The following CLASP2 variants were observed in gnomAD, a reference collection of about 807,000 sequenced individuals.
CLASP2 encodes cytoplasmic linker associated protein 2.
A neutral mutation model predicts 194.4 loss-of-function variants in CLASP2; 47 were observed. The ratio of observed to expected loss-of-function variants is 0.24; its 90% confidence interval spans 0.19 to 0.31. The LOEUF is 0.31. Ranked by LOEUF, CLASP2 falls within the 10% of genes least tolerant of loss-of-function variation. The probability of loss-of-function intolerance (pLI) is 1.00; values close to 1 mark genes in which losing one functional copy is unlikely to be tolerated. For missense variants in CLASP2, 1,445 were observed against 1,823.6 expected (o/e 0.79, Z 3.78); for synonymous variants, 619 against 633.5 (o/e 0.98, Z 0.34).
At chr3:33,565,518 T>C (rs142567261) in intron 27 of CLASP2, among the ~76,000 whole-genome samples, 248 of 152,070 alleles carry the variant, frequency 1.6e-3, no homozygotes, top group African/African-American at 5.9e-3. Context: ...TTTATTATAA[T>C]AATACAGTAT....
At position 33,584,935 on chromosome 3, in the gene CLASP2, C is replaced by T. The variant is rs777674576; in HGVS notation, c.2069-15G>A. On this transcript the variant is annotated splice_polypyrimidine_tract_variant and intron_variant, in intron 21 of 38. Coordinates refer to ENST00000682230, the MANE Select transcript of CLASP2 (RefSeq NM_001365631.1). ...CCGGCTACCAGCTGAACACCAAACA[C>T]ATATACAAATGTTAACATGTAAATG... 1.3e-6 allele frequency: 2 copies of T among 1,590,182 alleles called. No individual in the cohort carries two copies. Among genetic ancestry groups the T allele is most frequent in the Non-Finnish European group, 1.7e-6 (2 of 1,169,570 alleles).
intron 12 of CLASP2, among the ~76,000 whole-genome samples, chr3:33,616,894 C>T (rs1001637989): frequency 1.3e-5 from 2 of 151,520 alleles, no homozygotes; most frequent in Non-Finnish European, 2.9e-5. Flanking sequence ...TGCACCATCA[C>T]GCCCAGCTAA....
chr3:33,581,824 G>A lies in CLASP2; in HGVS notation c.2344C>T (p.Leu782Phe), dbSNP rs1210625315. 3.1e-6 allele frequency: 5 copies of A among 1,611,508 alleles called. No individual in the cohort carries two copies. The highest frequency in any genetic ancestry group is 1.7e-5 in the Admixed American group (1 of 59,892). ...TAACACCTGCCCGAATACGTACCGA[G>A]GGGCTGAAAAGAGCGAACAGGACTT... ...DTSPVRSFQP[L>F]GPGYGISQSS... Residue 782 changes from leucine (L) to phenylalanine (F), a missense_variant, in exon 23 of 39, where the codon CTC becomes TTC. By Grantham distance (22) the Leu-to-Phe change is conservative. Around this residue, in one of 4 missense-constraint regions of CLASP2, gnomAD observed 732 missense variants for 987.9 expected, o/e 0.74. Coordinates refer to ENST00000682230, the MANE Select transcript of CLASP2 (RefSeq NM_001365631.1).
intron 8 of CLASP2, among the ~76,000 whole-genome samples, chr3:33,643,915 A>C (rs1297997550): frequency 6.6e-6 from 1 of 152,098 alleles, no homozygotes; most frequent in African/African-American, 2.4e-5. Flanking sequence ...CAGTTACTGT[A>C]AACAAGGAAA....
intron 25 of CLASP2, among the ~76,000 whole-genome samples, chr3:33,572,842 TTTTAAA>T (rs1160194918): frequency 6.6e-6 from 1 of 151,840 alleles, no homozygotes; most frequent in Non-Finnish European, 1.5e-5. Context: ...ATTAATAACA[TTTTAAA>T]TTTAATTTCT....
In CLASP2 at chr3:33,604,162, G is replaced by A. The variant is rs867062218; in HGVS notation, c.1742C>T (p.Ala581Val). ...KWSTANPSTV[A>V]GRVSAGSSKA... ...TTTAAAGAGAAAATTACCTCTTCCA[G>A]CCACAGTTGATGGATTTGCTGTAGA... Residue 581 changes from alanine (A) to valine (V), a missense_variant, in exon 17 of 39, where the codon GCT becomes GTT. By Grantham distance (64) the Ala-to-Val change is moderately conservative (BLOSUM62 0). This residue lies in a region of CLASP2 where 174 missense variants were observed against 179.0 expected (regional missense o/e 0.97). Coordinates refer to ENST00000682230, the MANE Select transcript of CLASP2 (RefSeq NM_001365631.1). 2 of 1,557,930 alleles carry A rather than the reference G, an allele frequency of 1.3e-6. No homozygotes were observed. The highest frequency in any genetic ancestry group is 1.7e-6 in the Non-Finnish European group (2 of 1,149,480).
At chr3:33,623,870 C>T (rs1226019929) in intron 10 of CLASP2, among the ~76,000 whole-genome samples, 2 of 152,028 alleles carry the variant, frequency 1.3e-5, no homozygotes, top group Admixed American at 1.3e-4. Flanking sequence ...ACTGTTCTCC[C>T]TGCATGTGGT....
chr3:33,692,150 C>T (rs567717342), intron 2 of CLASP2, among the ~76,000 whole-genome samples: 8 of 152,184 alleles, frequency 5.3e-5, no homozygotes, highest in Non-Finnish European at 1.2e-4. Flanking sequence ...ATCTAGGCAA[C>T]AGAGTAAGAC....
chr3:33,617,189 T>C (rs1311549883), intron 12 of CLASP2, among the ~76,000 whole-genome samples: 5 of 151,524 alleles, frequency 3.3e-5, no homozygotes, highest in Non-Finnish European at 2.9e-5. Flanking sequence ...AATATGAAAA[T>C]AGTGAAAAAG....
intron 34 of CLASP2, among the ~76,000 whole-genome samples, chr3:33,533,304 T>C (rs1271869210): frequency 6.6e-6 from 1 of 152,206 alleles, no homozygotes; most frequent in Non-Finnish European, 1.5e-5. Flanking sequence ...TCAAAGTCTA[T>C]AATTGTGGCA....
intron 6 of CLASP2, among the ~76,000 whole-genome samples, chr3:33,669,724 A>G (rs2086810692): frequency 3.9e-5 from 6 of 152,252 alleles, no homozygotes; most frequent in Admixed American, 3.9e-4. Context: ...GAAACACTAC[A>G]CCCACTAAAA....
intron 10 of CLASP2, among the ~76,000 whole-genome samples, chr3:33,622,525 A>G (rs1021205304): frequency 5.3e-5 from 8 of 152,216 alleles, no homozygotes; most frequent in African/African-American, 1.4e-4. Context: ...AATGTAAACT[A>G]TAAGTATATA....
intron 23 of CLASP2, among the ~76,000 whole-genome samples, chr3:33,581,287 G>A (rs1012834989): frequency 1.3e-5 from 2 of 152,074 alleles, no homozygotes; most frequent in South Asian, 2.1e-4. Flanking sequence ...AAGTTTTACC[G>A]CAGTGACAAG....
intron 6 of CLASP2, among the ~76,000 whole-genome samples, chr3:33,684,063 G>C (rs910537746): frequency 2.0e-5 from 3 of 151,458 alleles, no homozygotes; most frequent in Admixed American, 2.0e-4. Context: ...GACCAACATG[G>C]AAAAACCCCG....
In CLASP2 at chr3:33,708,498, ATATATATG is replaced by A. The variant is rs796532400; in HGVS notation, c.195+9302_195+9309del. 4.1e-3 allele frequency among the ~76,000 whole-genome samples: 330 copies of A among 81,438 alleles called. 10 individuals carry two copies. The East Asian group carries it at 0.095, about 23-fold the overall frequency. 53.4% of individuals were successfully genotyped at this position (81,438 alleles called of 152,430 possible). A position where few individuals can be genotyped will look rare whatever the true frequency, so the allele number is the denominator to read the frequency against. On this transcript the variant is annotated intron_variant, in intron 1 of 38. Coordinates refer to ENST00000682230, the MANE Select transcript of CLASP2 (RefSeq NM_001365631.1). ...TGTGTGTGTGTGTGTATGTATATAT[ATATATATG>A]TATATATATGTATATATGTATATAT...
chr3:33,686,034 A>G (rs1008689626), intron 5 of CLASP2, among the ~76,000 whole-genome samples: 6 of 152,190 alleles, frequency 3.9e-5, no homozygotes, highest in Non-Finnish European at 5.9e-5. Flanking sequence ...AGGAAAAAAA[A>G]AGAATGTGGT....
intron 6 of CLASP2, among the ~76,000 whole-genome samples, chr3:33,671,507 T>C (rs1334321501): frequency 6.6e-6 from 1 of 152,116 alleles, no homozygotes; most frequent in African/African-American, 2.4e-5. Flanking sequence ...GCTCCCAGCG[T>C]GAGAGACCCA....
At chr3:33,577,226 C>T (rs775636718) in intron 23 of CLASP2, 48 of 1,597,624 alleles carry the variant, frequency 3.0e-5, no homozygotes, top group Admixed American at 6.7e-5. Flanking sequence ...ACTTCGGGGG[C>T]GTAGAGGGCA....
At chr3:33,510,811 A>T (rs769495256) in intron 36 of CLASP2, 47 bp from the exon 37 acceptor site, 100 of 1,457,678 alleles carry the variant, frequency 6.9e-5, no homozygotes, top group Non-Finnish European at 8.7e-5. Context: ...TTAAAATATT[A>T]CACTACATCC....
Sources: allele counts gnomAD v4.1 joint callset (sites outside exome capture counted in the v4.1 genomes callset), GRCh38; gene constraint gnomAD v4.1.1; regional missense constraint gnomAD v4.1.1; transcripts MANE v1.5; gene names NCBI Gene and HGNC (gene_info 2026-07-23, HGNC 2026-07-21).